The following TLR5 variants were observed in gnomAD, a reference collection of about 807,000 sequenced individuals.
TLR5 encodes toll-like receptor 5.
For synonymous variants in TLR5, 373 were observed against 384.4 expected (o/e 0.97, Z 0.35); for missense variants, 944 against 999.8 (o/e 0.94, Z 0.75).
intron 3 of TLR5, among the ~76,000 whole-genome samples, chr1:223,136,026 A>G (rs573692374): frequency 6.6e-6 from 1 of 152,280 alleles, no homozygotes; most frequent in Non-Finnish European, 1.5e-5. Context: ...CCTACCAGGA[A>G]TAGCCTGCAA....
chr1:223,116,511 T>C (rs555605789), intron 5 of TLR5, among the ~76,000 whole-genome samples: 5 of 152,278 alleles, frequency 3.3e-5, no homozygotes, highest in South Asian at 4.1e-4. Context: ...CTCATAAATG[T>C]AGTGCAGACC....
At position 223,136,412 on chromosome 1, in the gene TLR5, A is replaced by G. The variant is rs77611911; in HGVS notation, c.-353+766T>C. ...AGTGACACAACCTGGGGTGATTTCT[A>G]TGGTTGCTGGCCAGATGAGATGAAG... On this transcript the variant is annotated intron_variant, in intron 3 of 5. Transcript: ENST00000642603. 5.8e-3 allele frequency among the ~76,000 whole-genome samples: 881 copies of G among 152,310 alleles called. 12 individuals are homozygous for G. Among genetic ancestry groups the G allele is most frequent in the African/African-American group, 0.02 (819 of 41,566 alleles).
chr1:223,110,472 C>T lies in TLR5; in HGVS notation c.2560G>A (p.Val854Ile). 2 of 1,614,132 alleles carry T rather than the reference C, an allele frequency of 1.2e-6. No homozygotes were observed. The highest frequency in any genetic ancestry group is 8.5e-7 in the Non-Finnish European group (1 of 1,180,034). The change falls in exon 6 of 6, where the codon GTA (valine) becomes ATA (isoleucine). Residue 854 changes from valine (V) to isoleucine (I), a missense_variant. Coordinates refer to ENST00000642603, the MANE Select transcript of TLR5 (RefSeq NM_003268.6). Reference sequence around the variant, plus strand: ...TCCTTTGATTAGGAGATGGTTGCTACAGTTTGCAACGGAATGTTATTGTCT... The same window carrying T: ...TCCTTTGATTAGGAGATGGTTGCTATAGTTTGCAACGGAATGTTATTGTCT... The part of the protein sequence containing the change: ...KKDNNIPLQT[V>I]ATIS
Position 223,118,192 on chromosome 1 carries a change from G to A in TLR5, c.-4-5157C>T, listed in dbSNP as rs569359711. ...AGAAGCATGAGACAACTGGAGGGGC[G>A]AGGGAGCTTCCAATTTATAGGTAGA... On this transcript the variant is annotated intron_variant, in intron 5 of 5. Transcript: ENST00000642603. Among the ~76,000 whole-genome samples the A allele has an allele frequency of 2.0e-4, 30 of 152,294 alleles. No individual in the cohort carries two copies. In the South Asian group the frequency reaches 5.0e-3, roughly 25 times the overall value.
At chr1:223,117,950 T>TG (rs1306764311) in intron 5 of TLR5, among the ~76,000 whole-genome samples, 1 of 152,248 alleles carries the variant, frequency 6.6e-6, no homozygotes, top group Non-Finnish European at 1.5e-5. Context: ...TTTTCCGAAA[T>TG]GGTGAATAAC....
chr1:223,124,491 T>C (rs1558127581), intron 5 of TLR5, among the ~76,000 whole-genome samples: 1 of 151,770 alleles, frequency 6.6e-6, no homozygotes, highest in Non-Finnish European at 1.5e-5. Context: ...GGAGCCCCCT[T>C]AAGGTAGCAC....
In TLR5 at chr1:223,141,648, C is replaced by G. The variant is rs919187936; in HGVS notation, c.-439G>C. The G allele has an allele frequency of 6.6e-6, 1 of 151,714 alleles. No homozygotes were observed. The highest frequency in any genetic ancestry group is 1.5e-5 in the Non-Finnish European group (1 of 67,914). 9.4% of individuals were successfully genotyped at this position (151,714 alleles called of 1,614,324 possible). On this transcript the variant is annotated splice_region_variant and 5_prime_UTR_variant, in exon 2 of 6. Coordinates refer to ENST00000642603, the MANE Select transcript of TLR5 (RefSeq NM_003268.6). ...ATTAGACAGGCGTAGTGGTGGGTAC[C>G]TGTAATCCCAGCTACTTGGGAGGCT...
chr1:223,111,143 T>C lies in TLR5; in HGVS notation c.1889A>G (p.Asp630Gly). 1 of 1,614,118 alleles carries C rather than the reference T, an allele frequency of 6.2e-7. No homozygotes were observed. The highest frequency in any genetic ancestry group is 8.5e-7 in the Non-Finnish European group (1 of 1,180,020). Residue 630 changes from aspartate (D) to glycine (G), a missense_variant, in exon 6 of 6, where the codon GAT becomes GGT. Physicochemically the swap from Asp to Gly is moderately conservative, Grantham distance 94 (BLOSUM62 -1). Coordinates refer to ENST00000642603, the MANE Select transcript of TLR5 (RefSeq NM_003268.6). ...SLFSLSTEGC[D>G]EEEVLKSLKF... ...TAGGGACTTTAAGACTTCCTCTTCA[T>C]CACAACCTTCCGTGGAAAGAGAGAA...
rs371593723 is a variant in TLR5, at chr1:223,110,672, A to G, written c.2360T>C (p.Leu787Pro). The G allele has an allele frequency of 1.4e-5, 22 of 1,614,096 alleles. No homozygotes were observed. Among genetic ancestry groups the G allele is most frequent in the Non-Finnish European group, 1.9e-5 (22 of 1,180,040 alleles). Residue 787 changes from leucine (L) to proline (P), a missense_variant, in exon 6 of 6, where the codon CTC becomes CCC. Coordinates refer to ENST00000642603, the MANE Select transcript of TLR5 (RefSeq NM_003268.6). The stretch of plus-strand genomic sequence containing the variant: ...CAAGGACCCAACCACCACCATGATG[A>G]GAGCACTGTTAAGGTCAGATAAGCA... ...GRCLSDLNSA[L>P]IMVVVGSLSQ...
At chr1:223,122,986 C>G (rs947492321) in intron 5 of TLR5, among the ~76,000 whole-genome samples, 1 of 152,074 alleles carries the variant, frequency 6.6e-6, no homozygotes, top group African/African-American at 2.4e-5. Context: ...AAACACAGAC[C>G]GTAGTTTGCT....
chr1:223,114,445 G>A (rs1339949630), intron 5 of TLR5, among the ~76,000 whole-genome samples: 1 of 152,200 alleles, frequency 6.6e-6, no homozygotes, highest in Non-Finnish European at 1.5e-5. Context: ...GAGGGCAGGA[G>A]AATGAGAGGA....
rs752092775 is a variant in TLR5 at position 223,112,275 on chromosome 1, T to A, written c.757A>T (p.Ser253Cys). 3.7e-6 allele frequency: 6 copies of A among 1,614,088 alleles called. No individual in the cohort carries two copies. Among genetic ancestry groups the A allele is most frequent in the Non-Finnish European group, 5.1e-6 (6 of 1,180,048 alleles). The change falls in exon 6 of 6, where the codon AGC (serine) becomes TGC (cysteine). Residue 253 changes from serine (S) to cysteine (C), a missense_variant. Physicochemically the swap from Ser to Cys is moderately radical, Grantham distance 112 (BLOSUM62 -1). Coordinates refer to ENST00000642603, the MANE Select transcript of TLR5 (RefSeq NM_003268.6). ...TGNFSNAISKSQAFSLILAHH... is the reference protein window; with the variant it reads ...TGNFSNAISKCQAFSLILAHH... ...GCAAGAATCAAAGAGAAGGCCTGGC[T>A]TTTGCTGATGGCATTGCTAAAGTTT...
intron 1 of TLR5, among the ~76,000 whole-genome samples, chr1:223,142,004 C>G (rs947013825): frequency 1.3e-5 from 2 of 152,068 alleles, no homozygotes; most frequent in African/African-American, 4.8e-5. Flanking sequence ...GGGCCCTGCT[C>G]CAGGGCTTCC....
chr1:223,141,784 CATATATATATATATATATATATAT>C (rs142700046), intron 1 of TLR5, 21 bp from the exon 2 acceptor site: 4 of 74,962 alleles, frequency 5.3e-5, no homozygotes, highest in Non-Finnish European at 7.5e-5. Flanking sequence ...AAAAAAATTA[CATATATATATATATATATATATAT>C]ATATATATAT....
intron 5 of TLR5, among the ~76,000 whole-genome samples, chr1:223,114,304 C>T (rs1404496686): frequency 1.3e-5 from 2 of 152,046 alleles, no homozygotes; most frequent in African/African-American, 4.8e-5. Context: ...ACACAAGGAC[C>T]CCACCTGCAG....
intron 5 of TLR5, among the ~76,000 whole-genome samples, chr1:223,114,694 G>A (rs1306431538): frequency 6.6e-6 from 1 of 152,104 alleles, no homozygotes; most frequent in Non-Finnish European, 1.5e-5. Flanking sequence ...AAGTAGGCAT[G>A]GATGCCTGGA....
chr1:223,114,206 T>G (rs376612563), intron 5 of TLR5, among the ~76,000 whole-genome samples: 2 of 152,132 alleles, frequency 1.3e-5, no homozygotes, highest in African/African-American at 2.4e-5. Context: ...GGTTGAGTGT[T>G]TTTTTCATGG....
At position 223,112,527 on chromosome 1, in the gene TLR5, A is replaced by G. The variant is rs768226372; in HGVS notation, c.505T>C (p.Leu169=). 1.9e-6 allele frequency: 3 copies of G among 1,614,150 alleles called. No individual in the cohort carries two copies. Among genetic ancestry groups the G allele is most frequent in the African/African-American group, 2.7e-5 (2 of 74,958 alleles). ...AAATCTATGGACTTTAAGGAATTCA[A>G]CTTCCCAAATGAAGGATGAAGGTAA... is the stretch of plus-strand genomic sequence containing the variant. ...SLYLHPSFGK[L]NSLKSIDFSS... is the part of the protein sequence containing the mutation. Residue 169 remains leucine, a synonymous_variant, in exon 6 of 6, where the codon TTG becomes CTG. Transcript: ENST00000642603.
intron 5 of TLR5, among the ~76,000 whole-genome samples, chr1:223,119,740 A>G (rs1196869615): frequency 6.6e-6 from 1 of 151,752 alleles, no homozygotes; most frequent in East Asian, 1.9e-4. Flanking sequence ...TGGGCAGATC[A>G]TCTGAGGTCA....
Sources: allele counts gnomAD v4.1 joint callset (sites outside exome capture counted in the v4.1 genomes callset), GRCh38; gene constraint gnomAD v4.1.1; transcripts MANE v1.5; gene names NCBI Gene and HGNC (gene_info 2026-07-23, HGNC 2026-07-21).